Variants in SHROOM3 observed in about 807,000 individuals in gnomAD.
SHROOM3 encodes protein Shroom3.
SHROOM3 carries 47 observed loss-of-function variants against 138.6 expected under a neutral mutation model. The ratio of observed to expected loss-of-function variants is 0.34; its 90% CI spans 0.27 to 0.43. The LOEUF is 0.43. Among genes scored for constraint, SHROOM3 ranks in the 20% least tolerant of loss-of-function variants. The pLI, the probability that SHROOM3 is intolerant of heterozygous loss-of-function variation, is 1.00. For synonymous variants in SHROOM3, 1,062 were observed against 1,063.3 expected (o/e 1.00, Z 0.02); for missense variants, 2,491 against 2,596.5 (o/e 0.96, Z 0.88).
At chr4:76,760,300 C>A (rs953359341) in intron 9 of SHROOM3, among the ~76,000 whole-genome samples, 1 of 152,140 alleles carries the variant, frequency 6.6e-6, no homozygotes, top group African/African-American at 2.4e-5. Context: ...TAAAAAATGA[C>A]CGTGATGCTG....
intron 2 of SHROOM3, among the ~76,000 whole-genome samples, chr4:76,704,540 G>T (rs763840462): frequency 1.3e-5 from 2 of 152,248 alleles, no homozygotes; most frequent in African/African-American, 2.4e-5. Flanking sequence ...CAGGCTTAGA[G>T]AACAGCATGT....
intron 5 of SHROOM3, among the ~76,000 whole-genome samples, chr4:76,745,032 C>T (rs888171020): frequency 2.0e-5 from 3 of 152,190 alleles, no homozygotes; most frequent in East Asian, 3.8e-4. Flanking sequence ...GCAGGTCTGG[C>T]CTCTCCTCAG....
At chr4:76,601,732 C>G (rs1436962243) in intron 2 of SHROOM3, among the ~76,000 whole-genome samples, 2 of 152,148 alleles carry the variant, frequency 1.3e-5, no homozygotes, top group Non-Finnish European at 2.9e-5. Context: ...GTCTCGAACT[C>G]CTGACCTCAG....
intron 2 of SHROOM3, among the ~76,000 whole-genome samples, chr4:76,699,637 GGAA>G (rs1344822907): frequency 6.6e-6 from 1 of 152,136 alleles, no homozygotes; most frequent in Non-Finnish European, 1.5e-5. Context: ...GTGGGAACAG[GGAA>G]GAAGGATTAC....
intron 5 of SHROOM3, among the ~76,000 whole-genome samples, chr4:76,742,619 C>A (rs1241314266): frequency 6.6e-6 from 1 of 152,192 alleles, no homozygotes; most frequent in Non-Finnish European, 1.5e-5. Flanking sequence ...CCAAATGCTG[C>A]AAGGATTATA....
chr4:76,581,082 G>A (rs898987074), intron 2 of SHROOM3, among the ~76,000 whole-genome samples: 2 of 151,860 alleles, frequency 1.3e-5, no homozygotes, highest in African/African-American at 2.4e-5. Context: ...TCTCCAAGAG[G>A]CTTTTTTTTT....
intron 10 of SHROOM3, among the ~76,000 whole-genome samples, chr4:76,771,239 A>G (rs1475240582): frequency 1.3e-5 from 2 of 152,004 alleles, no homozygotes; most frequent in Non-Finnish European, 2.9e-5. Flanking sequence ...TTAGCCAGGC[A>G]CCATGGTGCG....
chr4:76,734,826 G>A (rs1316060599), intron 4 of SHROOM3, among the ~76,000 whole-genome samples: 1 of 148,740 alleles, frequency 6.7e-6, no homozygotes, highest in Non-Finnish European at 1.5e-5. Context: ...CATAACCAAA[G>A]GGATATGATA....
chr4:76,597,783 C>T lies in SHROOM3; in HGVS notation c.323+42020C>T, dbSNP rs1028805535. 2.2e-4 allele frequency among the ~76,000 whole-genome samples: 34 copies of T among 152,322 alleles called. 1 individual carries two copies. Among genetic ancestry groups the T allele is most frequent in the Admixed American group, 1.2e-3 (19 of 15,300 alleles). ...GTAGGGATTATGTAACTTGAGGAAG[C>T]AGATCCCGTGTTGTAATCTCCAAAT... On this transcript the variant is annotated intron_variant, in intron 2 of 10. Transcript: ENST00000296043.
intron 10 of SHROOM3, among the ~76,000 whole-genome samples, chr4:76,773,177 C>T (rs918301105): frequency 5.9e-5 from 9 of 152,006 alleles, no homozygotes; most frequent in African/African-American, 1.2e-4. Flanking sequence ...GAGTTCAAGA[C>T]CAGCCTGGCC....
chr4:76,699,217 G>T (rs1410331433), intron 2 of SHROOM3, among the ~76,000 whole-genome samples: 1 of 152,230 alleles, frequency 6.6e-6, no homozygotes, highest in Non-Finnish European at 1.5e-5. Flanking sequence ...CAAATCCTTT[G>T]TGTGCCTCCC....
Position 76,767,971 on chromosome 4 carries a change from G to A in SHROOM3, c.5350-2655G>A, listed in dbSNP as rs114596400. Reference sequence around the variant, plus strand: ...TGGACGCCTGAAATTTGAATGAGCTGAAGGCCTTTTCCTGAGGGTGCAGTG... The same window carrying A: ...TGGACGCCTGAAATTTGAATGAGCTAAAGGCCTTTTCCTGAGGGTGCAGTG... On this transcript the variant is annotated intron_variant, in intron 9 of 10. Transcript: ENST00000296043. Among the ~76,000 whole-genome samples the A allele has an allele frequency of 8.7e-3, 1,319 of 152,274 alleles. 15 individuals are homozygous for A. The highest frequency in any genetic ancestry group is 0.014 in the Non-Finnish European group (956 of 68,018).
intron 1 of SHROOM3, among the ~76,000 whole-genome samples, chr4:76,475,701 G>C (rs11722924): frequency 0.43 from 64,942 of 151,968 alleles, 14,972 homozygotes; most frequent in Non-Finnish European, 0.52. Context: ...TTGGCTCTTT[G>C]GATTGAAAAC....
At chr4:76,650,284 T>C (rs775497142) in intron 2 of SHROOM3, among the ~76,000 whole-genome samples, 23 of 152,120 alleles carry the variant, frequency 1.5e-4, no homozygotes, top group Non-Finnish European at 1.5e-4. Flanking sequence ...AGACAGGCAA[T>C]GACAAATGCT....
At chr4:76,682,465 A>G (rs1313860004) in intron 2 of SHROOM3, among the ~76,000 whole-genome samples, 3 of 152,142 alleles carry the variant, frequency 2.0e-5, no homozygotes, top group South Asian at 2.1e-4. Flanking sequence ...CATCCTTAGC[A>G]CATGGGACTG....
chr4:76,528,544 C>CTT (rs146962643), intron 1 of SHROOM3, among the ~76,000 whole-genome samples: 10 of 103,458 alleles, frequency 9.7e-5, no homozygotes, highest in East Asian at 9.1e-4. Flanking sequence ...ATCTTTCTTT[C>CTT]TTTCTTTTTT....
At chr4:76,754,189 G>T (rs950078962) in intron 6 of SHROOM3, 122 bp from the exon 7 acceptor site, 10 of 1,282,872 alleles carry the variant, frequency 7.8e-6, no homozygotes, top group African/African-American at 4.4e-5. Context: ...TGCAGTTTCT[G>T]GGGGAAGGAA....
At chr4:76,667,957 A>C (rs1303696985) in intron 2 of SHROOM3, among the ~76,000 whole-genome samples, 7 of 92,944 alleles carry the variant, frequency 7.5e-5, no homozygotes, top group African/African-American at 9.7e-5. Flanking sequence ...ACAGAAGGAG[A>C]CTCCCTCTCA....
At chr4:76,472,269 T>G (rs1370955514) in intron 1 of SHROOM3, among the ~76,000 whole-genome samples, 1 of 152,236 alleles carries the variant, frequency 6.6e-6, no homozygotes, top group Non-Finnish European at 1.5e-5. Flanking sequence ...TTTAAATCTC[T>G]TAAATAAAAA....
Sources: allele counts gnomAD v4.1 joint callset (sites outside exome capture counted in the v4.1 genomes callset), GRCh38; gene constraint gnomAD v4.1.1; transcripts MANE v1.5; gene names NCBI Gene and HGNC (gene_info 2026-07-23, HGNC 2026-07-21).